Variants in CCDC169 observed in about 807,000 individuals in gnomAD.
CCDC169 encodes coiled-coil domain-containing protein 169.
CCDC169 carries 30 observed loss-of-function variants against 36.0 expected under a neutral mutation model. The ratio of observed to expected loss-of-function variants is 0.83; its 90% confidence interval spans 0.62 to 1.13. The LOEUF is 1.13. Ranked by LOEUF, CCDC169 falls within the 50% of genes most tolerant of loss-of-function variation. The probability of loss-of-function intolerance (pLI) is 0.00; values close to 1 mark genes in which losing one functional copy is unlikely to be tolerated. For missense variants in CCDC169, 245 were observed against 245.9 expected (o/e 1.00, Z 0.03); for synonymous variants, 85 against 81.5 (o/e 1.04, Z -0.23).
At chr13:36,280,469 A>G (rs1181553596) in intron 4 of CCDC169, 1 of 152,222 alleles carries the variant, frequency 6.6e-6, no homozygotes, top group Non-Finnish European at 1.5e-5. Flanking sequence ...ACAATGGAAC[A>G]TAATATATCA....
intron 4 of CCDC169, 132 bp from the exon 5 acceptor site, chr13:36,254,275 C>T (rs9546900): frequency 0.44 from 158,642 of 363,692 alleles, 36,242 homozygotes; most frequent in Non-Finnish European, 0.47. Flanking sequence ...ATGATATGTA[C>T]TTTTTTTTTT....
At chr13:36,268,995 C>A (rs1017838221) in intron 4 of CCDC169, among the ~76,000 whole-genome samples, 1 of 152,140 alleles carries the variant, frequency 6.6e-6, no homozygotes, top group Non-Finnish European at 1.5e-5. Context: ...ATCCCAGCTA[C>A]TCGGGAGGCT....
intron 2 of CCDC169, among the ~76,000 whole-genome samples, chr13:36,292,296 C>T (rs1181842272): frequency 2.0e-5 from 3 of 152,064 alleles, no homozygotes; most frequent in Non-Finnish European, 2.9e-5. Context: ...ACCTGGCCTC[C>T]ATTTTTCAAT....
At chr13:36,292,374 G>A (rs902014785) in intron 2 of CCDC169, among the ~76,000 whole-genome samples, 1 of 151,798 alleles carries the variant, frequency 6.6e-6, no homozygotes, top group East Asian at 1.9e-4. Flanking sequence ...TTTAAAAAAC[G>A]TACTTAAAGC....
In CCDC169 at chr13:36,295,785, G is replaced by A. The variant is rs1291846435; in HGVS notation, c.156C>T (p.Asp52=). ...ITELEAKLNT[D]NEGSEWKTRY... ...AAGTATTTACTTATATACCTTCATT[G>A]TCAGTATTGAGTTTGGCTTCCAGTT... Residue 52 remains aspartate (D), a synonymous_variant, in exon 2 of 8, where the codon GAC becomes GAT. Coordinates refer to ENST00000239859, the MANE Select transcript of CCDC169 (RefSeq NM_001144981.3). 11 of 1,510,686 alleles carry A rather than the reference G, an allele frequency of 7.3e-6. No homozygotes were observed. The highest frequency in any genetic ancestry group is 8.1e-6 in the Non-Finnish European group (9 of 1,112,270). 93.6% of individuals were successfully genotyped at this position (1,510,686 alleles called of 1,614,324 possible).
downstream of CCDC169, among the ~76,000 whole-genome samples, chr13:36,230,265 T>C (rs922950110): frequency 1.3e-5 from 2 of 152,224 alleles, no homozygotes; most frequent in African/African-American, 4.8e-5. Context: ...AGTCCAATGA[T>C]TTCACTTATT....
At chr13:36,240,623 T>C (rs1345329118) in intron 7 of CCDC169, 45 of 1,284,854 alleles carry the variant, frequency 3.5e-5, no homozygotes, top group Non-Finnish European at 4.5e-5. Flanking sequence ...TACCAATGGC[T>C]CCTTAGTTAT....
chr13:36,243,400 TGAGGCAGAATAATAATTTGAATCCAG>T (rs553962336), intron 7 of CCDC169, among the ~76,000 whole-genome samples: 1,939 of 152,060 alleles, frequency 0.013, 40 homozygotes, highest in African/African-American at 0.044. Context: ...TTTGGGAGGC[TGAGGCAGAATAATAATTTGAATCCAG>T]GAGGCAGAAT....
At chr13:36,265,587 AG>A (rs1173096388) in intron 4 of CCDC169, among the ~76,000 whole-genome samples, 2 of 152,238 alleles carry the variant, frequency 1.3e-5, no homozygotes. Context: ...GTTAGGCAGC[AG>A]TATATTTGCG....
At position 36,295,792 on chromosome 13, in the gene CCDC169, T is replaced by C. The variant is rs1288763806; in HGVS notation, c.149A>G (p.Asn50Ser). 8 of 1,526,950 alleles carry C rather than the reference T, an allele frequency of 5.2e-6. No homozygotes were observed. Among genetic ancestry groups the C allele is most frequent in the Non-Finnish European group, 7.1e-6 (8 of 1,125,946 alleles). 94.6% of individuals were successfully genotyped at this position (1,526,950 alleles called of 1,614,324 possible). A position where few individuals can be genotyped will look rare whatever the true frequency, so the allele number is the denominator to read the frequency against. ...TACTTATATACCTTCATTGTCAGTATTGAGTTTGGCTTCCAGTTCCGTAAT... is the reference window on the plus strand; with the variant it reads ...TACTTATATACCTTCATTGTCAGTACTGAGTTTGGCTTCCAGTTCCGTAAT... ...HKITELEAKL[N>S]TDNEGSEWKT... Residue 50 changes from asparagine to serine, a missense_variant, in exon 2 of 8, where the codon AAT becomes AGT. Physicochemically the swap from Asn to Ser is conservative, Grantham distance 46. Transcript: ENST00000239859.
At chr13:36,296,334 C>T (rs1295227547) in intron 1 of CCDC169, among the ~76,000 whole-genome samples, 5 of 152,168 alleles carry the variant, frequency 3.3e-5, no homozygotes, top group African/African-American at 9.6e-5. Context: ...CCTTGTGATC[C>T]GCCCAGCCTC....
At chr13:36,253,014 A>G (rs1873357912) in intron 6 of CCDC169, among the ~76,000 whole-genome samples, 1 of 145,168 alleles carries the variant, frequency 6.9e-6, no homozygotes, top group South Asian at 2.2e-4. Flanking sequence ...GACAACCTCA[A>G]AACAAAAACT....
chr13:36,289,376 A>G (rs1213517092), intron 2 of CCDC169, among the ~76,000 whole-genome samples: 1 of 152,128 alleles, frequency 6.6e-6, no homozygotes, highest in East Asian at 1.9e-4. Context: ...GAAAAGCAAT[A>G]TTTTCCTTCA....
chr13:36,258,026 G>C (rs1874130793), intron 4 of CCDC169, among the ~76,000 whole-genome samples: 1 of 152,346 alleles, frequency 6.6e-6, no homozygotes, highest in African/African-American at 2.4e-5. Flanking sequence ...TGATGGATGA[G>C]ACCGCAGATC....
At position 36,281,209 on chromosome 13, in the gene CCDC169, G is replaced by C. The variant is rs538362488; in HGVS notation, c.315+2260C>G. The stretch of plus-strand genomic sequence containing the variant: ...AAACTTAGGGGAAGCCTGGATTCCT[G>C]AAGGCATTATACAGCCACTGCACCA... On this transcript the variant is annotated intron_variant, in intron 4 of 7. Coordinates refer to ENST00000239859, the MANE Select transcript of CCDC169 (RefSeq NM_001144981.3). The C allele has an allele frequency of 9.4e-6, 4 of 426,318 alleles. No individual in the cohort carries two copies. In the East Asian group the frequency reaches 3.2e-4, roughly 34 times the overall value. 26.4% of individuals were successfully genotyped at this position (426,318 alleles called of 1,614,324 possible). A position where few individuals can be genotyped will look rare whatever the true frequency, so the allele number is the denominator to read the frequency against.
chr13:36,279,750 A>C (rs1449628120), intron 4 of CCDC169, among the ~76,000 whole-genome samples: 1 of 152,172 alleles, frequency 6.6e-6, no homozygotes, highest in Non-Finnish European at 1.5e-5. Flanking sequence ...ACAGCCCACC[A>C]ATTAGGTGTT....
intron 4 of CCDC169, among the ~76,000 whole-genome samples, chr13:36,269,100 A>G (rs1875707209): frequency 7.0e-6 from 1 of 142,958 alleles, no homozygotes; most frequent in Admixed American, 7.4e-5. Context: ...CAAGACTCCA[A>G]CTCAAATAAA....
At position 36,248,745 on chromosome 13, in the gene CCDC169, G is replaced by A. The variant is rs1020972399; in HGVS notation, c.469-63C>T. ...CATAATTGATTTCAGAAATAAGAGA[G>A]ACAGTCAATTCTCAATTAACTCTCC... is the stretch of plus-strand genomic sequence containing the variant. On this transcript the variant is annotated intron_variant, in intron 6 of 7. Coordinates refer to ENST00000239859, the MANE Select transcript of CCDC169 (RefSeq NM_001144981.3). 12 of 1,437,990 alleles carry A rather than the reference G, an allele frequency of 8.3e-6. 1 individual carries two copies. The highest frequency in any genetic ancestry group is 7.9e-5 in the Admixed American group (4 of 50,650). 89.1% of individuals were successfully genotyped at this position (1,437,990 alleles called of 1,614,324 possible). A position where few individuals can be genotyped will look rare whatever the true frequency, so the allele number is the denominator to read the frequency against.
At chr13:36,237,245 T>C (rs1030173581) in intron 7 of CCDC169, among the ~76,000 whole-genome samples, 2 of 152,026 alleles carry the variant, frequency 1.3e-5, no homozygotes, top group South Asian at 2.1e-4. Flanking sequence ...CAGTAAGATA[T>C]CACTTCACAT....
Sources: allele counts gnomAD v4.1 joint callset (sites outside exome capture counted in the v4.1 genomes callset), GRCh38; gene constraint gnomAD v4.1.1; transcripts MANE v1.5; gene names NCBI Gene and HGNC (gene_info 2026-07-23, HGNC 2026-07-21).